LTBP1: variants seen among roughly 807,000 people sequenced by gnomAD.
LTBP1 encodes latent-transforming growth factor beta-binding protein 1.
LTBP1 carries 129 observed loss-of-function variants against 207.6 expected under a neutral mutation model. The observed-to-expected ratio is 0.62, with a 90% confidence interval of 0.54 to 0.72. LTBP1 has a LOEUF of 0.72. Ranked by LOEUF, LTBP1 falls within the 30% of genes least tolerant of loss-of-function variation. The probability of loss-of-function intolerance (pLI) is 0.00; values close to 1 mark genes in which losing one functional copy is unlikely to be tolerated. For missense variants in LTBP1, 2,281 were observed against 2,217.2 expected, an observed-to-expected ratio of 1.03 and a Z score of -0.58; for synonymous variants, 963 against 833.7, an observed-to-expected ratio of 1.16 and a Z score of -2.67.
chr2:32,972,727 TC>T lies in LTBP1; in HGVS notation c.565+23783del, dbSNP rs552725463. Among the ~76,000 whole-genome samples, 5 of 152,242 alleles carry T rather than the reference TC, an allele frequency of 3.3e-5. 1 individual carries two copies. The South Asian group carries it at 1.0e-3, about 32-fold the overall frequency. On this transcript the variant is annotated intron_variant, in intron 2 of 33. Coordinates refer to ENST00000404816, the MANE Select transcript of LTBP1 (RefSeq NM_206943.4). ...TGATAGTGAGGGAGTTCTCATGAGA[TC>T]TGATGGTTTTAAAAGTGGCAGTTTC...
chr2:33,253,344 A>C (rs544769189), intron 11 of LTBP1, among the ~76,000 whole-genome samples: 6 of 152,226 alleles, frequency 3.9e-5, no homozygotes, highest in African/African-American at 1.4e-4. Context: ...GAACTTGCCA[A>C]AACTCCTGAA....
At chr2:33,254,104 G>T (rs1363154605) in intron 11 of LTBP1, among the ~76,000 whole-genome samples, 2 of 151,460 alleles carry the variant, frequency 1.3e-5, no homozygotes, top group African/African-American at 4.9e-5. Context: ...TGTGTTACTT[G>T]ATCTCCTGAC....
intron 3 of LTBP1, among the ~76,000 whole-genome samples, chr2:33,099,636 C>G (rs1442518269): frequency 6.6e-6 from 1 of 152,152 alleles, no homozygotes; most frequent in Non-Finnish European, 1.5e-5. Flanking sequence ...CTCAGAGATT[C>G]AGCGGCACGG....
intron 5 of LTBP1, among the ~76,000 whole-genome samples, chr2:33,158,879 C>G (rs907278163): frequency 6.6e-6 from 1 of 152,178 alleles, no homozygotes; most frequent in African/African-American, 2.4e-5. Context: ...CAAAAAAGTT[C>G]AAAATGATGC....
At chr2:32,967,239 A>C (rs1418863884) in intron 2 of LTBP1, among the ~76,000 whole-genome samples, 1 of 151,974 alleles carries the variant, frequency 6.6e-6, no homozygotes, top group Non-Finnish European at 1.5e-5. Flanking sequence ...GAGGCTTATC[A>C]ATTATATTGA....
chr2:33,260,965 T>C (rs1338137052), intron 13 of LTBP1, among the ~76,000 whole-genome samples: 1 of 152,188 alleles, frequency 6.6e-6, no homozygotes, highest in Non-Finnish European at 1.5e-5. Flanking sequence ...AAAAATGCAA[T>C]CATAGCCTTT....
At chr2:33,146,909 A>G (rs998518951) in intron 5 of LTBP1, among the ~76,000 whole-genome samples, 1 of 152,204 alleles carries the variant, frequency 6.6e-6, no homozygotes, top group African/African-American at 2.4e-5. Context: ...TTTGGGTGGG[A>G]ACACAAATCC....
Position 33,128,679 on chromosome 2 carries a change from A to G in LTBP1, c.1034-6114A>G, listed in dbSNP as rs79281351. On this transcript the variant is annotated intron_variant, in intron 4 of 33. Coordinates refer to ENST00000404816, the MANE Select transcript of LTBP1 (RefSeq NM_206943.4). ...CACTCTCTCTAGTTCCCAAAAACCC[A>G]GGGCAAACTCATTGAACCCTCAACA... Among the ~76,000 whole-genome samples the G allele has an allele frequency of 1.5e-3, 228 of 152,324 alleles. 4 individuals are homozygous for G. The East Asian group carries it at 0.039, about 26-fold the overall frequency.
At chr2:33,068,661 G>A (rs1290906573) in intron 3 of LTBP1, among the ~76,000 whole-genome samples, 1 of 152,082 alleles carries the variant, frequency 6.6e-6, no homozygotes, top group Non-Finnish European at 1.5e-5. Flanking sequence ...AATATTTGCA[G>A]TTGATTTTGA....
chr2:33,165,645 T>G (rs1169063903), intron 5 of LTBP1, among the ~76,000 whole-genome samples: 1 of 152,210 alleles, frequency 6.6e-6, no homozygotes, highest in Non-Finnish European at 1.5e-5. Flanking sequence ...GACTTTAAAC[T>G]TGTACAGTAA....
intron 5 of LTBP1, among the ~76,000 whole-genome samples, chr2:33,149,228 C>CAAAAAAAAAAAAAAAA (rs58303103): frequency 9.7e-5 from 8 of 82,808 alleles, no homozygotes; most frequent in Admixed American, 1.7e-4. Context: ...CACAAAAAAA[C>CAAAAAAAAAAAAAAAA]AAAAAAAAAA....
At chr2:33,311,201 C>A (rs2094182112) in intron 23 of LTBP1, among the ~76,000 whole-genome samples, 2 of 152,064 alleles carry the variant, frequency 1.3e-5, no homozygotes, top group African/African-American at 4.8e-5. Context: ...AAAACACGGA[C>A]CTTTGCCACA....
chr2:33,167,709 A>T (rs1030258384), intron 5 of LTBP1, among the ~76,000 whole-genome samples: 12 of 152,234 alleles, frequency 7.9e-5, no homozygotes, highest in African/African-American at 2.9e-4. Flanking sequence ...AAGAGGCTGT[A>T]TACAACCGTG....
intron 31 of LTBP1, among the ~76,000 whole-genome samples, chr2:33,382,028 A>C (rs564269821): frequency 9.8e-5 from 13 of 132,868 alleles, no homozygotes; most frequent in African/African-American, 3.7e-4. Context: ...TCTTGTTTTT[A>C]ATTGTTCAGT....
At chr2:33,310,281 A>T (rs775242260) in intron 23 of LTBP1, among the ~76,000 whole-genome samples, 5 of 152,114 alleles carry the variant, frequency 3.3e-5, no homozygotes, top group Non-Finnish European at 7.4e-5. Context: ...AAGCCTCACT[A>T]ATAATTTGGT....
rs565314885 is a variant in LTBP1, at chr2:33,335,952, G to A, written c.3731-6886G>A. On this transcript the variant is annotated intron_variant, in intron 24 of 33. Transcript: ENST00000404816. ...TCTTATGAAGAGTTCCAGGAGCACC[G>A]ATGCTAGACATGGTCCTGTCTAAGT... 5.3e-5 allele frequency among the ~76,000 whole-genome samples: 8 copies of A among 152,260 alleles called. No homozygotes were observed. The East Asian group carries it at 7.7e-4, about 15-fold the overall frequency.
chr2:32,956,886 A>G (rs1196448374), intron 2 of LTBP1, among the ~76,000 whole-genome samples: 2 of 152,232 alleles, frequency 1.3e-5, no homozygotes, highest in Admixed American at 1.3e-4. Flanking sequence ...CATGAAAATG[A>G]CGTTAATCTC....
chr2:33,299,064 A>G (rs1390699299), intron 20 of LTBP1, among the ~76,000 whole-genome samples: 1 of 152,078 alleles, frequency 6.6e-6, no homozygotes, highest in Non-Finnish European at 1.5e-5. Flanking sequence ...TCATGAGGTC[A>G]AGAGATCAAG....
At chr2:33,204,895 G>A (rs959748041) in intron 7 of LTBP1, among the ~76,000 whole-genome samples, 3 of 152,226 alleles carry the variant, frequency 2.0e-5, no homozygotes, top group African/African-American at 7.2e-5. Context: ...GGACTAGCTT[G>A]TGTTGGTATT....
Sources: gnomAD v4.1 joint callset for allele counts (sites outside exome capture counted in the v4.1 genomes callset) on GRCh38, gnomAD v4.1.1 for gene constraint, MANE v1.5 for transcripts, NCBI Gene and HGNC (gene_info 2026-07-23, HGNC 2026-07-21) for gene names.